ZBTB16: variants seen among roughly 807,000 people sequenced by gnomAD.
The protein encoded by ZBTB16 is zinc finger and BTB domain containing 16.
In ZBTB16, 8 loss-of-function variants were observed where a neutral mutation model predicts 56.8. The observed-to-expected ratio is 0.14, with a 90% confidence interval of 0.08 to 0.25. ZBTB16 has a LOEUF of 0.25. Among genes scored for constraint, ZBTB16 ranks in the 10% least tolerant of loss-of-function variants. The probability of loss-of-function intolerance (pLI) is 1.00; values close to 1 mark genes in which losing one functional copy is unlikely to be tolerated. For synonymous variants in ZBTB16, 363 were observed against 368.5 expected (o/e 0.98, Z 0.17); for missense variants, 625 against 903.0 (o/e 0.69, Z 3.95).
At chr11:114,123,139 GCATT>G (rs1565637210) in intron 2 of ZBTB16, among the ~76,000 whole-genome samples, 1 of 152,160 alleles carries the variant, frequency 6.6e-6, no homozygotes, top group Admixed American at 6.5e-5. Context: ...CCTTAGGACC[GCATT>G]TAACCTTAAT....
chr11:114,065,188 G>A (rs1434000480), intron 2 of ZBTB16, among the ~76,000 whole-genome samples: 1 of 152,208 alleles, frequency 6.6e-6, no homozygotes, highest in Non-Finnish European at 1.5e-5. Context: ...CAAGGGGAAA[G>A]GATGGGTATA....
intron 2 of ZBTB16, among the ~76,000 whole-genome samples, chr11:114,140,878 T>A (rs1460116647): frequency 1.3e-5 from 2 of 152,178 alleles, no homozygotes; most frequent in African/African-American, 4.8e-5. Flanking sequence ...TCCTTCTCAA[T>A]TTAGAATTTG....
At chr11:114,095,393 T>C (rs1454155681) in intron 2 of ZBTB16, among the ~76,000 whole-genome samples, 1 of 151,854 alleles carries the variant, frequency 6.6e-6, no homozygotes, top group Non-Finnish European at 1.5e-5. Context: ...CCTGAGTAGC[T>C]GGGACTACAG....
intron 2 of ZBTB16, among the ~76,000 whole-genome samples, chr11:114,149,478 A>G (rs1457522205): frequency 1.3e-5 from 2 of 152,180 alleles, no homozygotes; most frequent in Non-Finnish European, 2.9e-5. Flanking sequence ...AACCTGCAGC[A>G]TGGAAGGTGT....
chr11:114,121,862 T>G (rs1283095064), intron 2 of ZBTB16: 3 of 455,814 alleles, frequency 6.6e-6, no homozygotes, highest in South Asian at 4.6e-5. Context: ...CACTTCATTT[T>G]GGACTGTCAA....
Position 114,250,192 on chromosome 11 carries a change from T to C in ZBTB16, c.1793-134T>C. 1 of 946,604 alleles carries C rather than the reference T, an allele frequency of 1.1e-6. No individual in the cohort carries two copies. Among genetic ancestry groups the C allele is most frequent in the South Asian group, 1.4e-5 (1 of 73,788 alleles). 58.6% of individuals were successfully genotyped at this position (946,604 alleles called of 1,614,324 possible). A position where few individuals can be genotyped will look rare whatever the true frequency, so the allele number is the denominator to read the frequency against. On this transcript the variant is annotated intron_variant, in intron 6 of 6. Coordinates refer to ENST00000335953, the MANE Select transcript of ZBTB16 (RefSeq NM_006006.6). This position sits in a 1 kb window ranked among gnomAD's most constrained non-coding sequence, Gnocchi z 6.0. Reference sequence around the variant, plus strand: ...GCTGCCGTCTTGGGTGGTGCCTTCATTGTCCCAGAAAGTTCTGTTGGAGCA... The same window carrying C: ...GCTGCCGTCTTGGGTGGTGCCTTCACTGTCCCAGAAAGTTCTGTTGGAGCA...
chr11:114,217,809 G>A (rs987971743), intron 4 of ZBTB16, among the ~76,000 whole-genome samples: 1 of 152,178 alleles, frequency 6.6e-6, no homozygotes, highest in Non-Finnish European at 1.5e-5. Context: ...CAGCAGAGAA[G>A]GGCCTCCTGC....
intron 4 of ZBTB16, among the ~76,000 whole-genome samples, chr11:114,226,982 C>T (rs1362847108): frequency 1.3e-5 from 2 of 152,166 alleles, no homozygotes; most frequent in Non-Finnish European, 2.9e-5. Flanking sequence ...CTGACGTTGC[C>T]TAAAAGCCTC....
At chr11:114,070,931 G>A (rs1024160022) in intron 2 of ZBTB16, among the ~76,000 whole-genome samples, 2 of 152,200 alleles carry the variant, frequency 1.3e-5, no homozygotes, top group Admixed American at 6.5e-5. Context: ...TGTTGGTTGT[G>A]AAGATAGGAA....
At chr11:114,100,731 C>T (rs974939870) in intron 2 of ZBTB16, among the ~76,000 whole-genome samples, 6 of 152,140 alleles carry the variant, frequency 3.9e-5, no homozygotes, top group Non-Finnish European at 7.3e-5. Flanking sequence ...TTGTGAGATG[C>T]GGCACATTTC....
At chr11:114,199,609 T>C (rs1313322513) in intron 4 of ZBTB16, among the ~76,000 whole-genome samples, 1 of 152,226 alleles carries the variant, frequency 6.6e-6, no homozygotes, top group Non-Finnish European at 1.5e-5. Context: ...CTGGCTCTGC[T>C]ATGGACTTGC....
At position 114,130,896 on chromosome 11, in the gene ZBTB16, G is replaced by C. The variant is rs140239037; in HGVS notation, c.1269-25441G>C. Among the ~76,000 whole-genome samples, 1,465 of 152,302 alleles carry C rather than the reference G, an allele frequency of 9.6e-3. 22 individuals are homozygous for C. Among genetic ancestry groups the C allele is most frequent in the African/African-American group, 0.033 (1,389 of 41,574 alleles). On this transcript the variant is annotated intron_variant, in intron 2 of 6. Coordinates refer to ENST00000335953, the MANE Select transcript of ZBTB16 (RefSeq NM_006006.6). ...TCATTACATTTTCTGGCTAACTGAG[G>C]CTTAACTGGAAAATCCTTTTAGTTC... is the stretch of plus-strand genomic sequence containing the variant.
At chr11:114,067,658 C>T (rs186958730) in intron 2 of ZBTB16, among the ~76,000 whole-genome samples, 305 of 152,242 alleles carry the variant, frequency 2.0e-3, no homozygotes, top group African/African-American at 6.7e-3. Context: ...CCACCTGTCT[C>T]GGCCTCCCAT....
intron 4 of ZBTB16, among the ~76,000 whole-genome samples, chr11:114,240,026 A>G (rs904321359): frequency 6.6e-6 from 1 of 152,228 alleles, no homozygotes; most frequent in African/African-American, 2.4e-5. Flanking sequence ...TAGATAAGGT[A>G]CCTAGCATAA....
intron 4 of ZBTB16, among the ~76,000 whole-genome samples, chr11:114,213,003 G>A (rs762332650): frequency 3.3e-5 from 5 of 151,782 alleles, no homozygotes; most frequent in Admixed American, 6.6e-5. Context: ...TTCCTTCTGT[G>A]GCTCAGGAGT....
Position 114,208,721 on chromosome 11 carries a change from G to A in ZBTB16, c.1453+21683G>A, listed in dbSNP as rs74718309. Among the ~76,000 whole-genome samples, 1,257 of 152,108 alleles carry A rather than the reference G, an allele frequency of 8.3e-3. 25 individuals carry two copies. The highest frequency in any genetic ancestry group is 0.029 in the African/African-American group (1,197 of 41,456). ...CACCTACCTTGCTTTCTCCCTGCAC[G>A]TACCACCACCACAAATGCTGTACAA... is the stretch of plus-strand genomic sequence containing the variant. On this transcript the variant is annotated intron_variant, in intron 4 of 6. Transcript: ENST00000335953.
intron 2 of ZBTB16, among the ~76,000 whole-genome samples, chr11:114,074,350 C>T (rs541778700): frequency 6.6e-6 from 1 of 152,308 alleles, no homozygotes; most frequent in East Asian, 1.9e-4. Flanking sequence ...CGTGATCCAT[C>T]GGGCCCACAG....
intron 2 of ZBTB16, among the ~76,000 whole-genome samples, chr11:114,065,952 GT>G (rs201204962): frequency 7.4e-5 from 11 of 149,296 alleles, no homozygotes; most frequent in South Asian, 4.3e-4. Flanking sequence ...TAGCGAGTTT[GT>G]TTTTTTTTTC....
intron 2 of ZBTB16, among the ~76,000 whole-genome samples, chr11:114,120,466 A>C (rs1242978571): frequency 6.6e-6 from 1 of 151,872 alleles, no homozygotes; most frequent in Admixed American, 6.6e-5. Flanking sequence ...CCTTCAGTCC[A>C]CCCTGGATCT....
Sources: allele counts gnomAD v4.1 joint callset (sites outside exome capture counted in the v4.1 genomes callset), GRCh38; gene constraint gnomAD v4.1.1; non-coding constraint Gnocchi (gnomAD v3.1); transcripts MANE v1.5; gene names NCBI Gene and HGNC (gene_info 2026-07-23, HGNC 2026-07-21).